Variants in AATF observed in about 807,000 individuals in gnomAD.
AATF encodes protein AATF.
Under a neutral mutation model 63.7 loss-of-function variants are expected in AATF, and 48 were observed. The observed-to-expected ratio is 0.75, with a 90% confidence interval of 0.60 to 0.96. The LOEUF (loss-of-function observed/expected upper bound fraction) is 0.96. Among genes scored for constraint, AATF ranks in the 40% least tolerant of loss-of-function variants. The probability of loss-of-function intolerance (pLI) is 0.00; values close to 1 mark genes in which losing one functional copy is unlikely to be tolerated. For synonymous variants in AATF, 258 were observed against 247.7 expected (o/e 1.04, Z -0.39); for missense variants, 639 against 685.7 (o/e 0.93, Z 0.76).
chr17:36,949,571 A>G lies in AATF; in HGVS notation c.91+355A>G, dbSNP rs79615888. Among the ~76,000 whole-genome samples, 314 of 152,356 alleles carry G rather than the reference A, an allele frequency of 2.1e-3. 1 individual carries two copies. Among genetic ancestry groups the G allele is most frequent in the Admixed American group, 3.5e-3 (53 of 15,314 alleles). On this transcript the variant is annotated intron_variant, in intron 1 of 11. Coordinates refer to ENST00000619387, the MANE Select transcript of AATF (RefSeq NM_012138.4). The stretch of plus-strand genomic sequence containing the variant: ...TGCCCTTTCTGGTATTGCGTTAGAA[A>G]GGAGGAGAAGAAAGTCGCATGTTTT...
intron 8 of AATF, among the ~76,000 whole-genome samples, chr17:37,018,645 C>T (rs1041422446): frequency 2.0e-5 from 3 of 152,110 alleles, no homozygotes; most frequent in East Asian, 1.9e-4. Context: ...TTTTGCCACA[C>T]GGCCCTTCCC....
chr17:36,950,528 T>G (rs565716088), intron 2 of AATF, 123 bp downstream of exon 2: 2 of 1,011,804 alleles, frequency 2.0e-6, no homozygotes, highest in Admixed American at 5.2e-5. Flanking sequence ...AGACAGAGTT[T>G]GGCTCTTGTT....
At chr17:37,001,612 C>T (rs185932553) in intron 8 of AATF, among the ~76,000 whole-genome samples, 16 of 152,108 alleles carry the variant, frequency 1.1e-4, no homozygotes, top group Admixed American at 1.0e-3. Context: ...TCAATAGAGA[C>T]AGCAAAAGCC....
chr17:37,031,754 C>T, intron 11 of AATF, 69 bp downstream of exon 11: 2 of 1,221,602 alleles, frequency 1.6e-6, no homozygotes. Context: ...GCTCTACAGC[C>T]TTCGCCCTCT....
At chr17:36,957,397 A>G (rs1026297411) in intron 4 of AATF, among the ~76,000 whole-genome samples, 1 of 152,252 alleles carries the variant, frequency 6.6e-6, no homozygotes, top group Non-Finnish European at 1.5e-5. Context: ...CATGTGAGCA[A>G]TCACTCAATA....
intron 11 of AATF, among the ~76,000 whole-genome samples, chr17:37,051,790 AG>A (rs143391311): frequency 0.031 from 4,650 of 152,016 alleles, 235 homozygotes; most frequent in African/African-American, 0.11. Context: ...TTCTAGAAAC[AG>A]GTTTTAAGAT....
intron 11 of AATF, among the ~76,000 whole-genome samples, chr17:37,041,805 G>T (rs116124222): frequency 6.6e-6 from 1 of 152,214 alleles, no homozygotes; most frequent in South Asian, 2.1e-4. Context: ...ACACCCGGCC[G>T]GGAGAGCCAT....
chr17:37,029,785 T>C (rs2142299144), intron 10 of AATF, among the ~76,000 whole-genome samples: 1 of 152,132 alleles, frequency 6.6e-6, no homozygotes, highest in South Asian at 2.1e-4. Flanking sequence ...AGGCTGGTCT[T>C]GAACTCCTGA....
In AATF at chr17:36,988,384, A is replaced by T; in HGVS notation, c.948-135A>T. The T allele has an allele frequency of 5.1e-6, 4 of 788,626 alleles. No homozygotes were observed. The East Asian group carries it at 8.0e-5, about 16-fold the overall frequency. 48.9% of individuals were successfully genotyped at this position (788,626 alleles called of 1,614,324 possible). Reference sequence around the variant, plus strand: ...TTCTCAAAGAGCAAAAGCCATCCTTATATCTTTGGTGTTATTTTGAATGGA... The same window carrying T: ...TTCTCAAAGAGCAAAAGCCATCCTTTTATCTTTGGTGTTATTTTGAATGGA... On this transcript the variant is annotated intron_variant, in intron 5 of 11. Transcript: ENST00000619387.
At chr17:37,046,116 TCTTACAG>T (rs1361936598) in intron 11 of AATF, 1 of 152,158 alleles carries the variant, frequency 6.6e-6, no homozygotes, top group Non-Finnish European at 1.5e-5. Flanking sequence ...TGTAATTTTG[TCTTACAG>T]CTCACTGCCA....
chr17:36,955,263 G>A (rs1473048572), intron 4 of AATF, among the ~76,000 whole-genome samples: 1 of 152,172 alleles, frequency 6.6e-6, no homozygotes, highest in Non-Finnish European at 1.5e-5. Context: ...CCCAGGTAGG[G>A]AGTTCAGTGA....
intron 11 of AATF, chr17:37,046,089 A>G (rs1485467653): frequency 1.3e-5 from 2 of 152,188 alleles, no homozygotes; most frequent in Non-Finnish European, 2.9e-5. Context: ...TTCATCAGAA[A>G]ATGTGGTATC....
Position 36,989,410 on chromosome 17 carries a change from C to T in AATF, c.1313C>T (p.Pro438Leu), listed in dbSNP as rs367853342. The T allele has an allele frequency of 5.6e-6, 9 of 1,609,986 alleles. No homozygotes were observed. Among genetic ancestry groups the T allele is most frequent in the Admixed American group, 5.0e-5 (3 of 59,744 alleles). Residue 438 changes from proline to leucine, a missense_variant and splice_region_variant, in exon 7 of 12, where the codon CCG becomes CTG. Transcript: ENST00000619387. Reference sequence around the variant, plus strand: ...GTCCCAGAGAGTTTGCCAGGGGAACCGGTAAGAACTCTGTAATGCAGAGTG... The same window carrying T: ...GTCCCAGAGAGTTTGCCAGGGGAACTGGTAAGAACTCTGTAATGCAGAGTG... ...QPVPESLPGE[P>L]EILPQAPANA...
Position 37,014,267 on chromosome 17 carries a change from G to GTAATAATAATAATAATAA in AATF, c.1399-4719_1399-4702dup, listed in dbSNP as rs71368437. 1.8e-3 allele frequency among the ~76,000 whole-genome samples: 258 copies of GTAATAATAATAATAATAA among 145,072 alleles called. 1 individual carries two copies. Among genetic ancestry groups the GTAATAATAATAATAATAA allele is most frequent in the African/African-American group, 6.5e-3 (250 of 38,630 alleles). ...TGGGTGACAGAGCAAGACTGTCTTA[G>GTAATAATAATAATAATAA]TAATAATAATAATAATAATAATAAT... On this transcript the variant is annotated intron_variant, in intron 8 of 11. Coordinates refer to ENST00000619387, the MANE Select transcript of AATF (RefSeq NM_012138.4).
intron 4 of AATF, among the ~76,000 whole-genome samples, chr17:36,984,919 T>G (rs1476038801): frequency 6.7e-6 from 1 of 150,308 alleles, no homozygotes; most frequent in Non-Finnish European, 1.5e-5. Flanking sequence ...TTTTTTTTTT[T>G]GAGACAGAGT....
chr17:36,998,198 C>T (rs1460707266), intron 8 of AATF, among the ~76,000 whole-genome samples: 1 of 151,786 alleles, frequency 6.6e-6, no homozygotes, highest in African/African-American at 2.4e-5. Context: ...TAACCAAATA[C>T]CACCTGTAAC....
chr17:36,976,681 A>G (rs2071082389), intron 4 of AATF, among the ~76,000 whole-genome samples: 1 of 152,200 alleles, frequency 6.6e-6, no homozygotes, highest in Non-Finnish European at 1.5e-5. Flanking sequence ...AGGAGCTCAT[A>G]GTAAGGTGAA....
chr17:36,986,543 A>C, intron 4 of AATF, 74 bp from the exon 5 acceptor site: 3 of 1,242,014 alleles, frequency 2.4e-6, no homozygotes, highest in Non-Finnish European at 1.2e-6. Context: ...CTCAGGAGTC[A>C]TGAGTTATAG....
chr17:37,009,250 G>C (rs1177372968), intron 8 of AATF, among the ~76,000 whole-genome samples: 1 of 151,730 alleles, frequency 6.6e-6, no homozygotes, highest in Non-Finnish European at 1.5e-5. Flanking sequence ...TTCTGCCTCA[G>C]GCTCCCGAGT....
Sources: allele counts gnomAD v4.1 joint callset (sites outside exome capture counted in the v4.1 genomes callset), GRCh38; gene constraint gnomAD v4.1.1; transcripts MANE v1.5; gene names NCBI Gene and HGNC (gene_info 2026-07-23, HGNC 2026-07-21).